The following ALDH1A2 variants were observed in gnomAD, a reference collection of about 807,000 sequenced individuals.
ALDH1A2 encodes the protein aldehyde dehydrogenase 1 family member A2, also known as retinal dehydrogenase 2.
ALDH1A2 carries 27 observed loss-of-function variants against 60.3 expected under a neutral mutation model. The ratio of observed to expected loss-of-function variants is 0.45; its 90% CI spans 0.33 to 0.62. ALDH1A2 has a LOEUF of 0.62. Ranked by LOEUF, ALDH1A2 falls within the 20% of genes least tolerant of loss-of-function variation. The pLI is 0.02. For missense variants in ALDH1A2, 581 were observed against 643.8 expected, an observed-to-expected ratio of 0.90 and a Z score of 1.06; for synonymous variants, 289 against 232.4, an observed-to-expected ratio of 1.24 and a Z score of -2.21.
At chr15:58,047,573 T>C (rs1024782521) in intron 1 of ALDH1A2, among the ~76,000 whole-genome samples, 1 of 152,030 alleles carries the variant, frequency 6.6e-6, no homozygotes, top group African/African-American at 2.4e-5. Context: ...TATGGCACTC[T>C]GTAAGGCTGG....
chr15:57,989,577 A>G (rs1279295324), intron 7 of ALDH1A2, among the ~76,000 whole-genome samples: 1 of 152,192 alleles, frequency 6.6e-6, no homozygotes, highest in African/African-American at 2.4e-5. Flanking sequence ...ATGAGCTCTA[A>G]AACAGAAATT....
intron 1 of ALDH1A2, among the ~76,000 whole-genome samples, chr15:58,035,182 T>G (rs1334764302): frequency 6.6e-6 from 1 of 151,676 alleles, no homozygotes; most frequent in East Asian, 1.9e-4. Context: ...TTTGGTAGAA[T>G]GCATCTTTCA....
chr15:57,957,035 G>A (rs2140443329), intron 12 of ALDH1A2, among the ~76,000 whole-genome samples: 1 of 152,294 alleles, frequency 6.6e-6, no homozygotes, highest in South Asian at 2.1e-4. Flanking sequence ...CTGTGCACGG[G>A]GGAAGTGGAC....
intron 1 of ALDH1A2, among the ~76,000 whole-genome samples, chr15:58,033,838 T>G (rs1381339597): frequency 7.4e-6 from 1 of 135,122 alleles, no homozygotes; most frequent in African/African-American, 2.7e-5. Context: ...TCTATTTCAC[T>G]TATTTTTCTG....
At chr15:58,033,718 T>A (rs1377587579) in intron 1 of ALDH1A2, among the ~76,000 whole-genome samples, 1 of 151,510 alleles carries the variant, frequency 6.6e-6, no homozygotes, top group Non-Finnish European at 1.5e-5. Context: ...ATATCTAGTT[T>A]TTCCAGCATG....
chr15:58,017,803 T>C (rs1447551441), intron 1 of ALDH1A2, among the ~76,000 whole-genome samples: 2 of 151,128 alleles, frequency 1.3e-5, no homozygotes, highest in Non-Finnish European at 2.9e-5. Flanking sequence ...CTGTAAATTA[T>C]TCATAAAAAT....
At chr15:58,011,555 T>G (rs1415177627) in intron 3 of ALDH1A2, among the ~76,000 whole-genome samples, 2 of 152,202 alleles carry the variant, frequency 1.3e-5, no homozygotes, top group African/African-American at 4.8e-5. Flanking sequence ...CAAATGAAAT[T>G]AACAAACATG....
intron 7 of ALDH1A2, among the ~76,000 whole-genome samples, chr15:57,970,556 G>A (rs190455465): frequency 2.0e-5 from 3 of 152,264 alleles, no homozygotes; most frequent in African/African-American, 7.2e-5. Context: ...TGTTATACAG[G>A]ACAAAAAGGA....
chr15:58,020,032 A>G (rs1180005031), intron 1 of ALDH1A2, among the ~76,000 whole-genome samples: 1 of 150,948 alleles, frequency 6.6e-6, no homozygotes. Flanking sequence ...CTTGAATCCA[A>G]GTGTTCTCAT....
Position 57,995,275 on chromosome 15 carries a change from G to A in ALDH1A2, c.494-136C>T, listed in dbSNP as rs78794515. ...ACTTGAAAAAACATCCTACTCAACC[G>A]TGCATGAAAGCTGGTAGAAGCCTAA... On this transcript the variant is annotated intron_variant, in intron 4 of 12. Coordinates refer to ENST00000249750, the MANE Select transcript of ALDH1A2 (RefSeq NM_003888.4). 0.065 allele frequency: 44,204 copies of A among 682,946 alleles called. 1,724 individuals are homozygous for A. The highest frequency in any genetic ancestry group is 0.13 in the East Asian group (4,632 of 36,200). 42.3% of individuals were successfully genotyped at this position (682,946 alleles called of 1,614,324 possible).
At chr15:57,996,053 T>C (rs1895050823) in intron 4 of ALDH1A2, among the ~76,000 whole-genome samples, 1 of 152,096 alleles carries the variant, frequency 6.6e-6, no homozygotes, top group Non-Finnish European at 1.5e-5. Flanking sequence ...GATACTTGTT[T>C]TCTCTCTCAA....
At chr15:58,021,990 G>A (rs1895941794) in intron 1 of ALDH1A2, among the ~76,000 whole-genome samples, 1 of 152,194 alleles carries the variant, frequency 6.6e-6, no homozygotes, top group African/African-American at 2.4e-5. Flanking sequence ...GCATGAAAGA[G>A]GCACAATTCC....
chr15:57,974,895 C>T (rs759346739), intron 7 of ALDH1A2, among the ~76,000 whole-genome samples: 1 of 152,294 alleles, frequency 6.6e-6, no homozygotes, highest in Middle Eastern at 3.4e-3. Flanking sequence ...ACAAACAACG[C>T]TTGTCTCCAA....
chr15:58,018,040 A>C (rs1477122065), intron 1 of ALDH1A2, among the ~76,000 whole-genome samples: 2 of 152,180 alleles, frequency 1.3e-5, no homozygotes, highest in African/African-American at 4.8e-5. Flanking sequence ...GGCAATGTCG[A>C]AAGTTTTGAA....
At chr15:57,978,033 A>G (rs1259867492) in intron 7 of ALDH1A2, among the ~76,000 whole-genome samples, 2 of 152,154 alleles carry the variant, frequency 1.3e-5, no homozygotes, top group Admixed American at 6.5e-5. Context: ...TGATTTTTGC[A>G]ATTGATTGTG....
chr15:58,021,454 G>C (rs1895924419), intron 1 of ALDH1A2, among the ~76,000 whole-genome samples: 1 of 152,210 alleles, frequency 6.6e-6, no homozygotes, highest in Non-Finnish European at 1.5e-5. Flanking sequence ...AAATGGGTGA[G>C]TGGGAGACTT....
At chr15:58,032,324 G>C (rs1310343013) in intron 1 of ALDH1A2, among the ~76,000 whole-genome samples, 2 of 151,998 alleles carry the variant, frequency 1.3e-5, no homozygotes, top group Admixed American at 1.3e-4. Flanking sequence ...ATGGACACAG[G>C]AAGGGGAACA....
chr15:57,963,809 G>A (rs746181882), intron 9 of ALDH1A2, 76 bp downstream of exon 9: 10 of 1,483,906 alleles, frequency 6.7e-6, no homozygotes, highest in Non-Finnish European at 9.3e-6. Context: ...CGCTTTGCTG[G>A]GACCTACTAC....
At chr15:57,989,114 G>A (rs1352674167) in intron 7 of ALDH1A2, among the ~76,000 whole-genome samples, 4 of 152,230 alleles carry the variant, frequency 2.6e-5, no homozygotes, top group South Asian at 2.1e-4. Context: ...ACGCCATTGC[G>A]CTCCAGCCTG....
Sources: allele counts gnomAD v4.1 joint callset (sites outside exome capture counted in the v4.1 genomes callset), GRCh38; gene constraint gnomAD v4.1.1; transcripts MANE v1.5; gene names NCBI Gene and HGNC (gene_info 2026-07-23, HGNC 2026-07-21).